Variants in FER observed in about 807,000 individuals in gnomAD.
The protein encoded by FER is tyrosine-protein kinase Fer.
FER carries 63 observed loss-of-function variants against 111.0 expected under a neutral mutation model. The observed-to-expected ratio is 0.57, with a 90% confidence interval of 0.46 to 0.70. FER has a LOEUF of 0.70. FER is among the 30% of genes least tolerant of loss of function. FER has a pLI of 0.00. For missense variants in FER, 914 were observed against 954.0 expected (o/e 0.96, Z 0.55); for synonymous variants, 327 against 313.9 (o/e 1.04, Z -0.44).
At chr5:109,094,278 T>C (rs895204701) in intron 16 of FER, among the ~76,000 whole-genome samples, 2 of 151,818 alleles carry the variant, frequency 1.3e-5, no homozygotes, top group African/African-American at 4.8e-5. Flanking sequence ...AAAACAATCA[T>C]AAGCATTATT....
Position 108,871,495 on chromosome 5 carries a change from G to C in FER, c.796G>C (p.Val266Leu). ...PSTEYNNFID[V>L]HRTTAAKEQE... ...TACAGAATACAATAATTTCATAGAT[G>C]TTCACAGGTATGACATGTTTATTCC... Residue 266 changes from valine (V) to leucine (L), a missense_variant, in exon 7 of 20, where the codon GTT (valine) becomes CTT (leucine). This residue lies in a region of FER where 774 missense variants were observed against 782.6 expected (regional missense o/e 0.99). Transcript: ENST00000281092. The C allele has an allele frequency of 6.2e-7, 1 of 1,603,266 alleles. No individual in the cohort carries two copies.
intron 4 of FER, among the ~76,000 whole-genome samples, chr5:108,834,183 A>G (rs73780591): frequency 1.3e-4 from 20 of 152,210 alleles, no homozygotes; most frequent in African/African-American, 4.8e-4. Context: ...TTATGATGTG[A>G]TTTCACATAT....
At chr5:109,038,165 A>G (rs2149883641) in intron 14 of FER, among the ~76,000 whole-genome samples, 1 of 152,074 alleles carries the variant, frequency 6.6e-6, no homozygotes, top group East Asian at 1.9e-4. Flanking sequence ...TTGAAAATTT[A>G]TTAATAACTT....
At chr5:109,149,908 G>A (rs547807780) in intron 17 of FER, among the ~76,000 whole-genome samples, 1 of 152,242 alleles carries the variant, frequency 6.6e-6, no homozygotes, top group East Asian at 1.9e-4. Context: ...GAAGGCCAGG[G>A]AGCATTACCG....
chr5:109,146,290 A>ATATATATC (rs1458419510), intron 17 of FER, among the ~76,000 whole-genome samples: 1 of 114,044 alleles, frequency 8.8e-6, no homozygotes, highest in Non-Finnish European at 1.7e-5. Flanking sequence ...ATATATATAT[A>ATATATATC]TCTTGGGTAG....
chr5:108,925,853 T>TA (rs1190122557), intron 10 of FER, among the ~76,000 whole-genome samples: 1 of 152,064 alleles, frequency 6.6e-6, no homozygotes, highest in African/African-American at 2.4e-5. Flanking sequence ...TATAAATTTA[T>TA]AAAAATATTA....
At chr5:109,120,231 A>G (rs1054413123) in intron 17 of FER, among the ~76,000 whole-genome samples, 2 of 152,078 alleles carry the variant, frequency 1.3e-5, no homozygotes, top group East Asian at 3.9e-4. Flanking sequence ...GGTTTCACAG[A>G]CTAAAGTCTT....
chr5:108,813,325 T>G (rs1324269316), intron 3 of FER, among the ~76,000 whole-genome samples: 1 of 152,208 alleles, frequency 6.6e-6, no homozygotes, highest in Non-Finnish European at 1.5e-5. Flanking sequence ...CCTTTGTTAC[T>G]GATGTTAAGC....
chr5:108,920,317 A>G (rs111551320), intron 10 of FER, among the ~76,000 whole-genome samples: 1 of 152,222 alleles, frequency 6.6e-6, no homozygotes, highest in African/African-American at 2.4e-5. Context: ...TGCTTTTGTT[A>G]TAATTATTTT....
chr5:108,858,551 TCTTATC>T (rs1209223635), intron 5 of FER, among the ~76,000 whole-genome samples: 2 of 152,144 alleles, frequency 1.3e-5, no homozygotes, highest in African/African-American at 4.8e-5. Flanking sequence ...CCCCCCTCCC[TCTTATC>T]CTTGTTAATT....
At chr5:108,858,208 C>A (rs1763182805) in intron 5 of FER, among the ~76,000 whole-genome samples, 1 of 152,160 alleles carries the variant, frequency 6.6e-6, no homozygotes, top group South Asian at 2.1e-4. Context: ...TCCTCCTCTT[C>A]CTATTTATAT....
At chr5:109,128,739 T>A (rs1484386845) in intron 17 of FER, among the ~76,000 whole-genome samples, 2 of 152,148 alleles carry the variant, frequency 1.3e-5, no homozygotes, top group African/African-American at 4.8e-5. Context: ...TTATGTAAAT[T>A]TAAATGAGTT....
At chr5:108,805,595 C>T (rs560488235) in intron 3 of FER, among the ~76,000 whole-genome samples, 10 of 152,228 alleles carry the variant, frequency 6.6e-5, no homozygotes, top group Admixed American at 2.0e-4. Flanking sequence ...GTGATATGAA[C>T]GAAAAGGTCC....
intron 13 of FER, among the ~76,000 whole-genome samples, chr5:108,992,900 G>A (rs905110721): frequency 2.0e-5 from 3 of 151,734 alleles, no homozygotes; most frequent in African/African-American, 7.3e-5. Context: ...CATCCCAGAC[G>A]GGGCGGCGGG....
chr5:109,150,278 T>G (rs1754683282), intron 17 of FER, among the ~76,000 whole-genome samples: 1 of 152,096 alleles, frequency 6.6e-6, no homozygotes, highest in Non-Finnish European at 1.5e-5. Flanking sequence ...GCTTCCTTCC[T>G]TTGAACCCAC....
intron 16 of FER, among the ~76,000 whole-genome samples, chr5:109,071,274 A>G (rs1191663990): frequency 6.6e-6 from 1 of 151,950 alleles, no homozygotes; most frequent in Non-Finnish European, 1.5e-5. Context: ...AGTCTTTGAG[A>G]ATATTAGCTA....
intron 10 of FER, among the ~76,000 whole-genome samples, chr5:108,915,587 A>G (rs1581182840): frequency 6.8e-6 from 1 of 146,620 alleles, no homozygotes; most frequent in African/African-American, 2.6e-5. Flanking sequence ...TCCACAAAGG[A>G]CTTTTTTTTT....
At position 109,052,569 on chromosome 5, in the gene FER, T is replaced by C. The variant is rs901934811; in HGVS notation, c.1924+5371T>C. ...GCAAATTCAGGCACTCAGACCTGTC[T>C]ATTTAAAGTTTAAAACTCCGCTGCT... is the stretch of plus-strand genomic sequence containing the variant. On this transcript the variant is annotated intron_variant, in intron 16 of 19. Coordinates refer to ENST00000281092, the MANE Select transcript of FER (RefSeq NM_005246.4). 5 of 613,188 alleles carry C rather than the reference T, an allele frequency of 8.2e-6. No homozygotes were observed. In the Admixed American group the frequency reaches 1.4e-4, roughly 17 times the overall value. The allele number at this position is 613,188 out of a possible 1,614,324, so 38.0% of individuals were successfully genotyped here.
intron 17 of FER, among the ~76,000 whole-genome samples, chr5:109,145,401 A>G (rs528455536): frequency 6.7e-6 from 1 of 149,826 alleles, no homozygotes; most frequent in African/African-American, 2.4e-5. Flanking sequence ...GATTACAGAA[A>G]CTTTCTCATA....
Sources: allele counts gnomAD v4.1 joint callset (sites outside exome capture counted in the v4.1 genomes callset), GRCh38; gene constraint gnomAD v4.1.1; regional missense constraint gnomAD v4.1.1; transcripts MANE v1.5; gene names NCBI Gene and HGNC (gene_info 2026-07-23, HGNC 2026-07-21).